Variants in LMF1 observed in about 807,000 individuals in gnomAD.
LMF1 encodes the protein lipase maturation factor 1.
LMF1 carries 68 observed loss-of-function variants against 60.6 expected under a neutral mutation model. The ratio of observed to expected loss-of-function variants is 1.12; its 90% CI spans 0.92 to 1.37. The LOEUF is 1.37. Ranked by LOEUF, LMF1 falls within the 40% of genes most tolerant of loss-of-function variation. The pLI, the probability that LMF1 is intolerant of heterozygous loss-of-function variation, is 0.00. For synonymous variants in LMF1, 418 were observed against 324.7 expected (o/e 1.29, Z -3.09); for missense variants, 948 against 767.2 (o/e 1.24, Z -2.78).
rs1055920971 is a variant in LMF1 at position 874,158 on chromosome 16, A to C, written c.898-2817T>G. Among the ~76,000 whole-genome samples, 2 of 152,228 alleles carry C rather than the reference A, an allele frequency of 1.3e-5. No individual in the cohort carries two copies. The highest frequency in any genetic ancestry group is 4.8e-5 in the African/African-American group (2 of 41,464). On this transcript the variant is annotated intron_variant, in intron 6 of 10. Transcript: ENST00000262301. The surrounding 1 kb of genome is among the most constrained non-coding windows in gnomAD (Gnocchi z 4.1). ...GCTGGAGGCCCCCGAGTTCACTTCA[A>C]AAGCATGAACTTACTTTGCGTTATC...
chr16:969,534 C>T (rs904554284), intron 1 of LMF1, among the ~76,000 whole-genome samples: 5 of 152,184 alleles, frequency 3.3e-5, no homozygotes, highest in Admixed American at 2.0e-4. Flanking sequence ...CTTCCCGCGA[C>T]GTGTGTGGCA....
chr16:888,730 A>C (rs767778219), intron 5 of LMF1, among the ~76,000 whole-genome samples: 1 of 52,250 alleles, frequency 1.9e-5, no homozygotes. Context: ...CCAAGGCCAG[A>C]AGCACTGGGG....
intron 3 of LMF1, among the ~76,000 whole-genome samples, chr16:932,823 T>C (rs1420458642): frequency 6.6e-6 from 1 of 152,196 alleles, no homozygotes; most frequent in African/African-American, 2.4e-5. Flanking sequence ...GAATGTATCC[T>C]GGCGCACTGC....
chr16:935,417 G>T (rs1293157090), intron 2 of LMF1, among the ~76,000 whole-genome samples: 1 of 152,114 alleles, frequency 6.6e-6, no homozygotes, highest in Admixed American at 6.5e-5. Context: ...GGTGCTGATG[G>T]CTTCAGAGTC....
At chr16:923,794 A>G (rs2071512546) in intron 3 of LMF1, among the ~76,000 whole-genome samples, 2 of 152,216 alleles carry the variant, frequency 1.3e-5, no homozygotes, top group South Asian at 4.1e-4. Flanking sequence ...CCTACAAAGC[A>G]TCTGCTCCAA....
chr16:907,571 G>A (rs1359513912), intron 4 of LMF1, among the ~76,000 whole-genome samples: 1 of 152,096 alleles, frequency 6.6e-6, no homozygotes, highest in Non-Finnish European at 1.5e-5. Context: ...GAGGAACCCA[G>A]TGGTTAGGGC....
intron 2 of LMF1, among the ~76,000 whole-genome samples, chr16:939,689 G>A (rs1219224672): frequency 2.0e-5 from 3 of 152,250 alleles, no homozygotes; most frequent in East Asian, 1.9e-4. Flanking sequence ...GTAAGACAAC[G>A]TCGGCGAGAT....
At chr16:968,182 A>G (rs1396919516) in intron 1 of LMF1, among the ~76,000 whole-genome samples, 4 of 152,194 alleles carry the variant, frequency 2.6e-5, no homozygotes, top group African/African-American at 4.8e-5. Context: ...ACGGATGCAA[A>G]GTCAGGTTGA....
At chr16:921,182 C>G (rs2071420757) in intron 3 of LMF1, 1 of 152,280 alleles carries the variant, frequency 6.6e-6, no homozygotes, top group African/African-American at 2.4e-5. Context: ...GACTGTGAGT[C>G]AAGCGCCTTG....
At chr16:883,371 G>T (rs982606553) in intron 5 of LMF1, among the ~76,000 whole-genome samples, 2 of 152,048 alleles carry the variant, frequency 1.3e-5, no homozygotes, top group Admixed American at 6.5e-5. Flanking sequence ...AAGAGGAGCT[G>T]CCCAGCAGAA....
intron 1 of LMF1, among the ~76,000 whole-genome samples, chr16:978,463 T>C (rs1306191109): frequency 6.6e-6 from 1 of 152,066 alleles, no homozygotes; most frequent in Non-Finnish European, 1.5e-5. Context: ...CCCTGCACCA[T>C]CTCATGGGCA....
At chr16:967,528 G>C (rs1488571556) in intron 1 of LMF1, among the ~76,000 whole-genome samples, 3 of 152,198 alleles carry the variant, frequency 2.0e-5, no homozygotes, top group African/African-American at 7.2e-5. Context: ...TACACACCAA[G>C]AACATGGCAC....
chr16:959,543 C>A (rs146080999), intron 1 of LMF1, among the ~76,000 whole-genome samples: 2,154 of 152,242 alleles, frequency 0.014, 26 homozygotes, highest in Middle Eastern at 0.051. Flanking sequence ...GAAGACCCGA[C>A]CAGGAGGTTG....
chr16:918,207 G>A (rs1283175845), intron 3 of LMF1, among the ~76,000 whole-genome samples: 2 of 152,172 alleles, frequency 1.3e-5, no homozygotes, highest in Non-Finnish European at 2.9e-5. Flanking sequence ...ATATTTTAAG[G>A]CTGTCCGTGG....
chr16:953,199 ATGT>A (rs1465730315), intron 2 of LMF1, among the ~76,000 whole-genome samples: 7 of 93,006 alleles, frequency 7.5e-5, no homozygotes, highest in East Asian at 3.4e-4. Context: ...AGCCTCCTAC[ATGT>A]CCACACAGAC....
intron 1 of LMF1, among the ~76,000 whole-genome samples, chr16:977,736 C>T (rs910174441): frequency 1.3e-5 from 2 of 151,742 alleles, no homozygotes; most frequent in Non-Finnish European, 2.9e-5. Flanking sequence ...CAGGGAAGGA[C>T]GGAGAGGGAG....
intron 6 of LMF1, among the ~76,000 whole-genome samples, chr16:876,992 A>AC (rs1465946645): frequency 6.6e-6 from 1 of 152,204 alleles, no homozygotes; most frequent in Non-Finnish European, 1.5e-5. Flanking sequence ...GGCCACGCTG[A>AC]CCCTAAGCAT....
chr16:938,035 C>CA (rs2071992590), intron 2 of LMF1, among the ~76,000 whole-genome samples: 6 of 120,880 alleles, frequency 5.0e-5, no homozygotes, highest in African/African-American at 1.7e-4. Flanking sequence ...ACAGAAGTTA[C>CA]CAAAAAAAAA....
chr16:893,170 G>A (rs2151731618), intron 4 of LMF1, 98 bp from the exon 5 acceptor site: 1 of 1,054,554 alleles, frequency 9.5e-7, no homozygotes, highest in East Asian at 2.6e-5. Flanking sequence ...CATCCACGAA[G>A]GCCGTGGATC....
Sources: allele counts gnomAD v4.1 joint callset (sites outside exome capture counted in the v4.1 genomes callset), GRCh38; gene constraint gnomAD v4.1.1; non-coding constraint Gnocchi (gnomAD v3.1); transcripts MANE v1.5; gene names NCBI Gene and HGNC (gene_info 2026-07-23, HGNC 2026-07-21).